The following ZFHX3 variants were observed in gnomAD, a reference collection of about 807,000 sequenced individuals.
ZFHX3 encodes the protein zinc finger homeobox 3.
In ZFHX3, 42 loss-of-function variants were observed where a neutral mutation model predicts 279.1. That is an observed-to-expected ratio of 0.15 (90% CI 0.12 to 0.19). ZFHX3 has a LOEUF of 0.19. Among genes scored for constraint, ZFHX3 ranks in the 10% least tolerant of loss-of-function variants. ZFHX3 has a pLI of 1.00. For missense variants in ZFHX3, 4,981 were observed against 4,754.0 expected, an observed-to-expected ratio of 1.05 and a Z score of -1.40; for synonymous variants, 2,293 against 1,957.8, an observed-to-expected ratio of 1.17 and a Z score of -4.52.
chr16:72,983,185 T>C (rs1962685463), intron 1 of ZFHX3, among the ~76,000 whole-genome samples: 1 of 152,214 alleles, frequency 6.6e-6, no homozygotes, highest in African/African-American at 2.4e-5. Flanking sequence ...CAATGAGACT[T>C]ATGAGGCAAC....
chr16:73,837,732 G>A (rs572584461), intron 1 of ZFHX3, among the ~76,000 whole-genome samples: 24 of 152,278 alleles, frequency 1.6e-4, no homozygotes, highest in Non-Finnish European at 2.1e-4. Flanking sequence ...TCCTTTCCGC[G>A]TTCAAGCGAT....
At position 73,251,088 on chromosome 16, in the gene ZFHX3, T is replaced by G. The variant is rs576773808; in HGVS notation, c.-1104+5959A>C. Among the ~76,000 whole-genome samples, 27 of 152,290 alleles carry G rather than the reference T, an allele frequency of 1.8e-4. 1 individual carries two copies. The highest frequency in any genetic ancestry group is 1.1e-3 in the Admixed American group (17 of 15,294). On this transcript the variant is annotated intron_variant, in intron 5 of 17. Coordinates refer to the ZFHX3 transcript ENST00000641206. ...CTTGCAGTTGTCCAGTAGCAGAAGC[T>G]GCTACATTAAACTACGGGCAGTTAA... is the stretch of plus-strand genomic sequence containing the variant.
At chr16:73,384,931 G>T (rs1224570309) in intron 3 of ZFHX3, among the ~76,000 whole-genome samples, 2 of 152,182 alleles carry the variant, frequency 1.3e-5, no homozygotes, top group African/African-American at 4.8e-5. Context: ...TGGTTCAGGG[G>T]TGAACACCTG....
At chr16:72,974,853 A>G (rs1287837111) in intron 1 of ZFHX3, among the ~76,000 whole-genome samples, 1 of 152,126 alleles carries the variant, frequency 6.6e-6, no homozygotes, top group African/African-American at 2.4e-5. Flanking sequence ...CTAAGCTTCC[A>G]CCCAACTTCC....
chr16:72,925,989 T>C (rs1959429862), intron 3 of ZFHX3, among the ~76,000 whole-genome samples: 1 of 152,124 alleles, frequency 6.6e-6, no homozygotes, highest in Non-Finnish European at 1.5e-5. Context: ...ATTATTACAA[T>C]AGAGAGGAAG....
intron 1 of ZFHX3, among the ~76,000 whole-genome samples, chr16:73,819,610 G>A (rs558174443): frequency 6.6e-6 from 1 of 152,174 alleles, no homozygotes; most frequent in South Asian, 2.1e-4. Flanking sequence ...TGAAGGGAAG[G>A]ATCAAGAAGA....
chr16:73,358,352 T>C (rs1376513981), intron 3 of ZFHX3, among the ~76,000 whole-genome samples: 3 of 152,218 alleles, frequency 2.0e-5, no homozygotes, highest in Non-Finnish European at 2.9e-5. Flanking sequence ...CTCTCCTCCA[T>C]CACTTGCTCT....
chr16:73,382,796 T>A (rs2016837687), intron 3 of ZFHX3, among the ~76,000 whole-genome samples: 1 of 152,216 alleles, frequency 6.6e-6, no homozygotes. Context: ...TCTTTTCAAC[T>A]TTCAATAGAA....
chr16:73,870,706 A>T (rs1283716388), intron 1 of ZFHX3, among the ~76,000 whole-genome samples: 2 of 152,142 alleles, frequency 1.3e-5, no homozygotes, highest in African/African-American at 4.8e-5. Context: ...TTCAAAGTCA[A>T]TTCAGGACTG....
At chr16:73,249,428 T>G (rs2013412835) in intron 5 of ZFHX3, among the ~76,000 whole-genome samples, 1 of 152,090 alleles carries the variant, frequency 6.6e-6, no homozygotes. Flanking sequence ...GGCCTTACAA[T>G]CACGGCAGAA....
At chr16:73,139,733 T>C (rs1966841526) in intron 6 of ZFHX3, among the ~76,000 whole-genome samples, 1 of 152,228 alleles carries the variant, frequency 6.6e-6, no homozygotes, top group Non-Finnish European at 1.5e-5. Context: ...TCTTTTCCAT[T>C]GAATCTTTAT....
chr16:73,201,964 A>C (rs1567417101), intron 5 of ZFHX3, among the ~76,000 whole-genome samples: 1 of 152,222 alleles, frequency 6.6e-6, no homozygotes, highest in Non-Finnish European at 1.5e-5. Flanking sequence ...AATTTAACAC[A>C]ATCCACAAAT....
At chr16:73,508,038 G>T (rs141372735) in intron 2 of ZFHX3, among the ~76,000 whole-genome samples, 3 of 152,294 alleles carry the variant, frequency 2.0e-5, no homozygotes, top group African/African-American at 4.8e-5. Context: ...ATTGATATAA[G>T]ATGATTTCCC....
chr16:73,742,684 C>A (rs2142261548), intron 1 of ZFHX3, among the ~76,000 whole-genome samples: 1 of 152,286 alleles, frequency 6.6e-6, no homozygotes, highest in South Asian at 2.1e-4. Context: ...GCATACAGAG[C>A]AAGTAACCAC....
intron 2 of ZFHX3, among the ~76,000 whole-genome samples, chr16:73,615,076 T>C (rs759762047): frequency 2.7e-4 from 41 of 151,172 alleles, no homozygotes; most frequent in Non-Finnish European, 3.7e-4. Flanking sequence ...TTTCTTTCAA[T>C]CTAAAATGCG....
chr16:73,355,554 A>G (rs1178755601), intron 3 of ZFHX3, among the ~76,000 whole-genome samples: 3 of 152,160 alleles, frequency 2.0e-5, no homozygotes, highest in Admixed American at 1.3e-4. Context: ...GCTTCATCCA[A>G]TCCTCAACAT....
At chr16:73,392,093 G>T (rs1044200822) in intron 3 of ZFHX3, among the ~76,000 whole-genome samples, 1 of 152,106 alleles carries the variant, frequency 6.6e-6, no homozygotes, top group Non-Finnish European at 1.5e-5. Context: ...ACAGTGGGAA[G>T]TCAGTAGATA....
intron 3 of ZFHX3, among the ~76,000 whole-genome samples, chr16:72,927,706 C>G (rs1377580114): frequency 1.3e-5 from 2 of 152,014 alleles, no homozygotes; most frequent in Non-Finnish European, 2.9e-5. Context: ...CTGCAGCAGC[C>G]TCTCTGCGCC....
At chr16:73,309,485 C>T (rs1366675069) in intron 4 of ZFHX3, among the ~76,000 whole-genome samples, 1 of 152,096 alleles carries the variant, frequency 6.6e-6, no homozygotes, top group Non-Finnish European at 1.5e-5. Context: ...AATGTGCACT[C>T]CTGCAAGGAA....
Sources: allele counts gnomAD v4.1 joint callset (sites outside exome capture counted in the v4.1 genomes callset), GRCh38; gene constraint gnomAD v4.1.1; transcripts MANE v1.5; gene names NCBI Gene and HGNC (gene_info 2026-07-23, HGNC 2026-07-21).